CACNA2D1: variants seen among roughly 807,000 people sequenced by gnomAD.
CACNA2D1 encodes the protein voltage-dependent calcium channel subunit alpha-2/delta-1.
A neutral mutation model predicts 171.5 loss-of-function variants in CACNA2D1; 53 were observed. That is an observed-to-expected ratio of 0.31 (90% CI 0.25 to 0.39). The LOEUF (loss-of-function observed/expected upper bound fraction) is 0.39, where lower values mean the gene tolerates loss of function less well. Ranked by LOEUF, CACNA2D1 falls within the 10% of genes least tolerant of loss-of-function variation. The pLI, the probability that CACNA2D1 is intolerant of heterozygous loss-of-function variation, is 1.00. For missense variants in CACNA2D1, 903 were observed against 1,299.8 expected (o/e 0.69, Z 4.69); for synonymous variants, 442 against 443.1 (o/e 1.00, Z 0.03).
At chr7:82,120,676 A>C in intron 5 of CACNA2D1, among the ~76,000 whole-genome samples, 1 of 152,188 alleles carries the variant, frequency 6.6e-6, no homozygotes, top group Admixed American at 6.5e-5. Flanking sequence ...GGAGTTTGAG[A>C]CCAGCCTGGT....
intron 4 of CACNA2D1, among the ~76,000 whole-genome samples, chr7:82,145,273 AAAT>A (rs947540769): frequency 2.1e-5 from 3 of 145,918 alleles, no homozygotes; most frequent in African/African-American, 4.9e-5. Context: ...AAAATATATA[AAAT>A]AAAATAAAAA....
At chr7:82,372,774 T>C (rs746687108) in intron 1 of CACNA2D1, among the ~76,000 whole-genome samples, 1 of 152,200 alleles carries the variant, frequency 6.6e-6, no homozygotes, top group African/African-American at 2.4e-5. Context: ...GCAAAGAATC[T>C]ACAGCAATGG....
chr7:82,321,735 A>G (rs555035681), intron 3 of CACNA2D1, among the ~76,000 whole-genome samples: 8 of 152,268 alleles, frequency 5.3e-5, no homozygotes, highest in African/African-American at 1.9e-4. Context: ...TATTCTTCTA[A>G]AAAGAATGCC....
intron 10 of CACNA2D1, among the ~76,000 whole-genome samples, chr7:82,043,408 T>A (rs1804184003): frequency 6.6e-6 from 1 of 152,178 alleles, no homozygotes; most frequent in African/African-American, 2.4e-5. Flanking sequence ...GATTCCTAAT[T>A]CATAAGATTC....
intron 3 of CACNA2D1, among the ~76,000 whole-genome samples, chr7:82,305,204 C>G (rs1423061853): frequency 1.3e-5 from 2 of 152,042 alleles, no homozygotes; most frequent in African/African-American, 4.8e-5. Context: ...TTGTAAGAGT[C>G]TCATGCACAC....
At chr7:82,422,750 T>A (rs760749712) in intron 1 of CACNA2D1, among the ~76,000 whole-genome samples, 35 of 152,214 alleles carry the variant, frequency 2.3e-4, no homozygotes, top group Non-Finnish European at 3.2e-4. Flanking sequence ...ATAGATAACC[T>A]TGTACTAGTC....
chr7:82,431,493 C>T (rs1030907730), intron 1 of CACNA2D1, among the ~76,000 whole-genome samples: 3 of 152,040 alleles, frequency 2.0e-5, no homozygotes, highest in African/African-American at 7.2e-5. Flanking sequence ...TTACATGACT[C>T]CTCTCTCTCA....
chr7:82,412,909 G>A (rs987297585), intron 1 of CACNA2D1, among the ~76,000 whole-genome samples: 7 of 151,904 alleles, frequency 4.6e-5, no homozygotes, highest in Middle Eastern at 3.5e-3. Flanking sequence ...AACATTTCCC[G>A]TTATTTTTCT....
At chr7:82,176,807 A>G (rs1166968546) in intron 3 of CACNA2D1, among the ~76,000 whole-genome samples, 1 of 152,008 alleles carries the variant, frequency 6.6e-6, no homozygotes, top group African/African-American at 2.4e-5. Flanking sequence ...TTTATCAACT[A>G]TGCTTCTAAA....
chr7:82,106,618 A>C (rs1787794958), intron 6 of CACNA2D1, among the ~76,000 whole-genome samples: 1 of 152,098 alleles, frequency 6.6e-6, no homozygotes, highest in Non-Finnish European at 1.5e-5. Context: ...ATCCCTGAAT[A>C]TTCTTATTCC....
chr7:82,265,185 C>A (rs773345863), intron 3 of CACNA2D1, among the ~76,000 whole-genome samples: 18 of 152,180 alleles, frequency 1.2e-4, no homozygotes, highest in Non-Finnish European at 2.2e-4. Context: ...GCTGAATGAT[C>A]TCTTCCCACC....
rs71093369 is a variant in CACNA2D1 at position 82,220,781 on chromosome 7, CTTTTTTT to C, written c.295-50179_295-50173del. Among the ~76,000 whole-genome samples the C allele has an allele frequency of 7.8e-3, 1,048 of 134,422 alleles. 14 individuals are homozygous for C. The highest frequency in any genetic ancestry group is 0.027 in the African/African-American group (993 of 36,840). 88.2% of individuals were successfully genotyped at this position (134,422 alleles called of 152,430 possible). On this transcript the variant is annotated intron_variant, in intron 3 of 38. Coordinates refer to ENST00000356860, the MANE Select transcript of CACNA2D1 (RefSeq NM_000722.4). Reference sequence around the variant, plus strand: ...AGAAAAGTTTCTTTCTTTCTTTTTTCTTTTTTTTTTTTTTTGAGATGGAATCTCACTC... The same window carrying C: ...AGAAAAGTTTCTTTCTTTCTTTTTTCTTTTTTTTGAGATGGAATCTCACTC...
intron 3 of CACNA2D1, among the ~76,000 whole-genome samples, chr7:82,245,254 T>C (rs1350858097): frequency 6.6e-6 from 1 of 152,224 alleles, no homozygotes; most frequent in Non-Finnish European, 1.5e-5. Flanking sequence ...CAGTGTCTAC[T>C]GTCTTCCTCA....
chr7:82,014,311 C>T lies in CACNA2D1; in HGVS notation c.1222+90G>A. 6.8e-6 allele frequency: 5 copies of T among 736,976 alleles called. No individual in the cohort carries two copies. In the South Asian group the frequency reaches 7.5e-5, roughly 11 times the overall value. The allele number at this position is 736,976 out of a possible 1,614,324, so 45.7% of individuals were successfully genotyped here. A position where few individuals can be genotyped will look rare whatever the true frequency, so the allele number is the denominator to read the frequency against. On this transcript the variant is annotated intron_variant, in intron 13 of 38. Coordinates refer to ENST00000356860, the MANE Select transcript of CACNA2D1 (RefSeq NM_000722.4). ...GTCTGATTCCTATAAAAGTTAGCTA[C>T]AATTTTAGCTTATTTTAAATAAGTA... is the stretch of plus-strand genomic sequence containing the variant.
intron 3 of CACNA2D1, among the ~76,000 whole-genome samples, chr7:82,292,168 T>C (rs143016386): frequency 4.5e-4 from 68 of 152,284 alleles, no homozygotes; most frequent in African/African-American, 1.6e-3. Context: ...TTACAACTTA[T>C]TGATTTCCCT....
At chr7:82,223,516 G>T (rs1802016259) in intron 3 of CACNA2D1, among the ~76,000 whole-genome samples, 2 of 152,140 alleles carry the variant, frequency 1.3e-5, no homozygotes, top group African/African-American at 4.8e-5. Flanking sequence ...AAGACAGAGA[G>T]CATCAGGGCA....
intron 6 of CACNA2D1, among the ~76,000 whole-genome samples, chr7:82,103,468 A>AT (rs1258665098): frequency 2.6e-5 from 4 of 152,068 alleles, no homozygotes; most frequent in African/African-American, 4.8e-5. Context: ...TGGTTATGGC[A>AT]TTTTTTTACA....
At chr7:82,177,704 C>A (rs1796695280) in intron 3 of CACNA2D1, among the ~76,000 whole-genome samples, 1 of 152,074 alleles carries the variant, frequency 6.6e-6, no homozygotes, top group African/African-American at 2.4e-5. Context: ...TATTCCTTCA[C>A]TCCATCAAGA....
chr7:82,014,038 C>G (rs1800121452), intron 13 of CACNA2D1, among the ~76,000 whole-genome samples: 2 of 151,860 alleles, frequency 1.3e-5, no homozygotes, highest in Admixed American at 1.3e-4. Context: ...AGTAATTAAA[C>G]CACTCAGAGA....
Sources: allele counts gnomAD v4.1 joint callset (sites outside exome capture counted in the v4.1 genomes callset), GRCh38; gene constraint gnomAD v4.1.1; transcripts MANE v1.5; gene names NCBI Gene and HGNC (gene_info 2026-07-23, HGNC 2026-07-21).